Variants in MYO3B observed in about 807,000 individuals in gnomAD.
The protein encoded by MYO3B is myosin IIIB, also known as myosin-IIIb.
MYO3B carries 156 observed loss-of-function variants against 174.6 expected under a neutral mutation model. That is an observed-to-expected ratio of 0.89 (90% CI 0.78 to 1.02). The LOEUF (loss-of-function observed/expected upper bound fraction) is 1.02, where lower values mean the gene tolerates loss of function less well. MYO3B is among the 50% of genes least tolerant of loss of function. The pLI is 0.00. For missense variants in MYO3B, 1,632 were observed against 1,639.4 expected, an observed-to-expected ratio of 1.00 and a Z score of 0.08; for synonymous variants, 563 against 569.1, an observed-to-expected ratio of 0.99 and a Z score of 0.15.
intron 25 of MYO3B, among the ~76,000 whole-genome samples, chr2:170,493,056 A>T (rs78123306): frequency 0.063 from 9,540 of 152,298 alleles, 956 homozygotes; most frequent in African/African-American, 0.21. Flanking sequence ...AAGTTAAATC[A>T]GTTAAATCGG....
intron 7 of MYO3B, among the ~76,000 whole-genome samples, chr2:170,330,640 A>G (rs1360336864): frequency 1.3e-5 from 2 of 152,132 alleles, no homozygotes; most frequent in African/African-American, 2.4e-5. Context: ...CCCACCATGT[A>G]TGTGTGTATA....
chr2:170,263,241 C>G (rs891971396), intron 7 of MYO3B, among the ~76,000 whole-genome samples: 3 of 152,154 alleles, frequency 2.0e-5, no homozygotes, highest in Admixed American at 6.5e-5. Flanking sequence ...TTGGAGGCAT[C>G]AACTTGGCTG....
rs1056991431 is a variant in MYO3B at position 170,472,934 on chromosome 2, C to A, written c.3014+6223C>A. 2.6e-5 allele frequency among the ~76,000 whole-genome samples: 4 copies of A among 151,594 alleles called. No homozygotes were observed. In the South Asian group the frequency reaches 6.3e-4, roughly 24 times the overall value. On this transcript the variant is annotated intron_variant, in intron 25 of 34. Transcript: ENST00000408978. ...CAGGCTGGTTTTGAACTCCTGAGCT[C>A]GAGCAATCTGTCTGCCTCAGCCTCG... is the stretch of plus-strand genomic sequence containing the variant.
chr2:170,403,460 A>C (rs549155483), intron 19 of MYO3B, among the ~76,000 whole-genome samples: 72 of 152,200 alleles, frequency 4.7e-4, no homozygotes, highest in African/African-American at 1.5e-3. Context: ...GTTTTCTAGA[A>C]ATGGAAATCA....
At chr2:170,517,335 C>T (rs566413965) in intron 29 of MYO3B, among the ~76,000 whole-genome samples, 124 of 152,260 alleles carry the variant, frequency 8.1e-4, no homozygotes, top group Non-Finnish European at 1.1e-3. Context: ...TATGGAAACC[C>T]CAGCAAAGTA....
Position 170,196,076 on chromosome 2 carries a change from T to C in MYO3B, c.3-3132T>C, listed in dbSNP as rs144085727. 3.3e-5 allele frequency among the ~76,000 whole-genome samples: 5 copies of C among 152,358 alleles called. No individual in the cohort carries two copies. The East Asian group carries it at 9.6e-4, about 29-fold the overall frequency. ...AGCCACAATTGATGGATATGAGCTT[T>C]ACTCTTCTTTCTGAAATGTCATTTA... On this transcript the variant is annotated intron_variant, in intron 1 of 34. Transcript: ENST00000408978.
chr2:170,312,239 T>C (rs1435052648), intron 7 of MYO3B, among the ~76,000 whole-genome samples: 2 of 152,256 alleles, frequency 1.3e-5, no homozygotes, highest in African/African-American at 4.8e-5. Flanking sequence ...GATTTCATGA[T>C]ATGACTACTT....
chr2:170,465,086 C>T (rs1038891569), intron 24 of MYO3B, among the ~76,000 whole-genome samples: 11 of 151,866 alleles, frequency 7.2e-5, no homozygotes, highest in South Asian at 2.1e-4. Context: ...TTGGCCAGTC[C>T]GGTCTCGAAC....
chr2:170,214,771 G>A lies in MYO3B; in HGVS notation c.469G>A (p.Val157Met), dbSNP rs1436848814. 2.5e-6 allele frequency: 4 copies of A among 1,614,216 alleles called. No individual in the cohort carries two copies. The highest frequency in any genetic ancestry group is 1.1e-5 in the South Asian group (1 of 91,080). The change falls in exon 5 of 35, where the codon GTG becomes ATG. Residue 157 changes from valine to methionine, a missense_variant. Physicochemically the swap from Val to Met is conservative, Grantham distance 21. Coordinates refer to ENST00000408978, the MANE Select transcript of MYO3B (RefSeq NM_138995.5). Reference protein sequence around the residue: ...LHNNRIIHRDVKGNNILLTTE... With the variant: ...LHNNRIIHRDMKGNNILLTTE... ...CAACAACCGAATCATCCACCGTGATGTGAAGGGGAATAACATTCTTCTGAC... is the reference window on the plus strand; with the variant it reads ...CAACAACCGAATCATCCACCGTGATATGAAGGGGAATAACATTCTTCTGAC...
At chr2:170,295,178 T>C (rs1388343819) in intron 7 of MYO3B, among the ~76,000 whole-genome samples, 1 of 152,038 alleles carries the variant, frequency 6.6e-6, no homozygotes, top group Admixed American at 6.6e-5. Context: ...ATGCTTCAAG[T>C]GTATCTTGTA....
chr2:170,605,579 C>T (rs971516760), intron 32 of MYO3B, among the ~76,000 whole-genome samples: 8 of 152,210 alleles, frequency 5.3e-5, no homozygotes, highest in South Asian at 2.1e-4. Flanking sequence ...CATGTTTGGC[C>T]GGGCACGGTG....
At chr2:170,346,079 G>A (rs1003190625) in intron 8 of MYO3B, 1 of 152,070 alleles carries the variant, frequency 6.6e-6, no homozygotes, top group African/African-American at 2.4e-5. Context: ...CCATGACTGG[G>A]TAGTTACAGG....
chr2:170,402,085 G>T (rs1386177175), intron 18 of MYO3B, among the ~76,000 whole-genome samples: 1 of 152,240 alleles, frequency 6.6e-6, no homozygotes, highest in Non-Finnish European at 1.5e-5. Context: ...AATAGTCTTG[G>T]CTGGGAGCTG....
At chr2:170,391,487 A>G in intron 14 of MYO3B, 33 bp from the exon 15 acceptor site, 1 of 1,096,510 alleles carries the variant, frequency 9.1e-7, no homozygotes, top group African/African-American at 1.6e-5. Flanking sequence ...GGAAGCCAGA[A>G]TATATTATTA....
chr2:170,261,607 A>G (rs1242573374), intron 7 of MYO3B, among the ~76,000 whole-genome samples: 1 of 152,230 alleles, frequency 6.6e-6, no homozygotes, highest in East Asian at 1.9e-4. Context: ...GCATAATCCC[A>G]TGATATGTGT....
chr2:170,233,343 C>T (rs989159597), intron 6 of MYO3B, among the ~76,000 whole-genome samples: 8 of 152,214 alleles, frequency 5.3e-5, no homozygotes, highest in African/African-American at 1.9e-4. Context: ...TCTTATTTCT[C>T]TCTCCCTCAC....
At chr2:170,471,679 C>A (rs370820829) in intron 25 of MYO3B, among the ~76,000 whole-genome samples, 3 of 152,118 alleles carry the variant, frequency 2.0e-5, no homozygotes, top group South Asian at 2.1e-4. Context: ...TTGAATTGTC[C>A]TTGGATTCTT....
intron 30 of MYO3B, among the ~76,000 whole-genome samples, chr2:170,541,454 C>T (rs1453211859): frequency 6.6e-6 from 1 of 152,140 alleles, no homozygotes; most frequent in African/African-American, 2.4e-5. Context: ...CAGGTATTTA[C>T]CATGATACCT....
intron 32 of MYO3B, among the ~76,000 whole-genome samples, chr2:170,558,616 T>C (rs2106246453): frequency 6.6e-6 from 1 of 152,362 alleles, no homozygotes; most frequent in Non-Finnish European, 1.5e-5. Flanking sequence ...TTCACTTGTA[T>C]ATTTTCGTTA....
Sources: allele counts gnomAD v4.1 joint callset (sites outside exome capture counted in the v4.1 genomes callset), GRCh38; gene constraint gnomAD v4.1.1; transcripts MANE v1.5; gene names NCBI Gene and HGNC (gene_info 2026-07-23, HGNC 2026-07-21).